Variants in TAF13 observed in about 807,000 individuals in gnomAD.
The protein encoded by TAF13 is TATA-box binding protein associated factor 13, also known as transcription initiation factor TFIID subunit 13.
Under a neutral mutation model 18.7 loss-of-function variants are expected in TAF13, and 9 were observed. That is an observed-to-expected ratio of 0.48 (90% CI 0.29 to 0.84). The LOEUF is 0.84. Among genes scored for constraint, TAF13 ranks in the 40% least tolerant of loss-of-function variants. TAF13 has a pLI of 0.08. For missense variants in TAF13, 105 were observed against 146.5 expected, an observed-to-expected ratio of 0.72 and a Z score of 1.46; for synonymous variants, 49 against 44.1, an observed-to-expected ratio of 1.11 and a Z score of -0.44.
intron 2 of TAF13, among the ~76,000 whole-genome samples, chr1:109,070,243 G>A (rs1467858099): frequency 2.6e-5 from 4 of 151,644 alleles, no homozygotes; most frequent in Non-Finnish European, 5.9e-5. Context: ...TTTTTGAGAC[G>A]GAGTCTCTCT....
At chr1:109,071,313 C>T (rs1261749021) in intron 2 of TAF13, among the ~76,000 whole-genome samples, 1 of 151,458 alleles carries the variant, frequency 6.6e-6, no homozygotes, top group African/African-American at 2.4e-5. Flanking sequence ...TGGTGGCACA[C>T]ACCTGTAATC....
intron 2 of TAF13, among the ~76,000 whole-genome samples, chr1:109,069,295 G>A (rs1173807281): frequency 6.6e-6 from 1 of 152,092 alleles, no homozygotes; most frequent in Non-Finnish European, 1.5e-5. Context: ...ACCAAAATCT[G>A]CAGATGCTCA....
intron 1 of TAF13, among the ~76,000 whole-genome samples, chr1:109,075,336 C>T (rs1448741637): frequency 1.3e-5 from 2 of 152,088 alleles, no homozygotes; most frequent in Non-Finnish European, 2.9e-5. Context: ...TATTTTTAAA[C>T]AACTAAGGTG....
At chr1:109,075,881 G>C (rs1664169102) in intron 1 of TAF13, 40 bp downstream of exon 1, 3 of 1,613,956 alleles carry the variant, frequency 1.9e-6, no homozygotes, top group African/African-American at 2.7e-5. Context: ...GCCCGAAGGA[G>C]TGAAGAAAAG....
intron 2 of TAF13, among the ~76,000 whole-genome samples, chr1:109,074,538 AT>A (rs1172317976): frequency 4.9e-4 from 74 of 152,152 alleles, no homozygotes; most frequent in Non-Finnish European, 1.5e-4. Context: ...ACCCCGCCAA[AT>A]ACCCCTCTCT....
intron 2 of TAF13, among the ~76,000 whole-genome samples, chr1:109,072,582 C>T (rs1664095184): frequency 6.6e-6 from 1 of 151,532 alleles, no homozygotes; most frequent in African/African-American, 2.4e-5. Flanking sequence ...GTAGCTGGAA[C>T]TACAGGGGCA....
chr1:109,070,765 A>G (rs1248841873), intron 2 of TAF13, among the ~76,000 whole-genome samples: 1 of 152,184 alleles, frequency 6.6e-6, no homozygotes, highest in African/African-American at 2.4e-5. Flanking sequence ...ATATTCAGGT[A>G]AGATAAGGAG....
chr1:109,074,154 A>T (rs1253319281), intron 2 of TAF13, among the ~76,000 whole-genome samples: 1 of 152,234 alleles, frequency 6.6e-6, no homozygotes, highest in African/African-American at 2.4e-5. Context: ...ATGTGGGGAA[A>T]AGAAAGAGAG....
In TAF13 at chr1:109,064,627, G is replaced by A; in HGVS notation, c.271C>T (p.Arg91Ter). ...CTGGCAAACTTCCTTGGGTCCTTTC[G>A]AATCAAGAAGACGATATCTTCAACT... ...VQVEDIVFLI[R>*]KDPRKFARVK... Residue 91 changes from arginine to a stop codon, truncating the protein, a stop_gained, in exon 4 of 4, where the codon CGA becomes TGA. Coordinates refer to ENST00000338366, the MANE Select transcript of TAF13 (RefSeq NM_005645.4). LOFTEE classifies it high-confidence loss of function. The A allele has an allele frequency of 1.9e-6, 3 of 1,576,220 alleles. No homozygotes were observed. The highest frequency in any genetic ancestry group is 2.6e-6 in the Non-Finnish European group (3 of 1,161,426).
chr1:109,072,061 T>TACAC (rs1664080533), intron 2 of TAF13, among the ~76,000 whole-genome samples: 1 of 4,666 alleles, frequency 2.1e-4, no homozygotes, highest in African/African-American at 7.1e-4. Flanking sequence ...CATATATATA[T>TACAC]ATATATATAT....
chr1:109,067,503 G>C (rs553581710), intron 2 of TAF13, among the ~76,000 whole-genome samples: 3 of 151,784 alleles, frequency 2.0e-5, no homozygotes, highest in African/African-American at 7.3e-5. Context: ...CCAGCTACTC[G>C]GGAGGCTGAG....
chr1:109,075,016 C>T lies in TAF13; in HGVS notation c.77G>A (p.Gly26Asp), dbSNP rs1557987454. ...EIGGGAEGGQ[G>D]KRKRLFSKEL... Reference sequence around the variant, plus strand: ...TTTAGAAAAAAGTCTCTTTCTTTTACCCTGTCCACCTTCTGCACCTCCTCC... The same window carrying T: ...TTTAGAAAAAAGTCTCTTTCTTTTATCCTGTCCACCTTCTGCACCTCCTCC... Residue 26 changes from glycine (G) to aspartate (D), a missense_variant, in exon 2 of 4, where the codon GGT becomes GAT. By Grantham distance (94) the Gly-to-Asp change is moderately conservative. Transcript: ENST00000338366. The T allele has an allele frequency of 3.7e-6, 6 of 1,608,392 alleles. No homozygotes were observed. Among genetic ancestry groups the T allele is most frequent in the Admixed American group, 1.7e-5 (1 of 58,460 alleles).
At chr1:109,071,027 C>T (rs560711653) in intron 2 of TAF13, among the ~76,000 whole-genome samples, 1 of 152,122 alleles carries the variant, frequency 6.6e-6, no homozygotes, top group Non-Finnish European at 1.5e-5. Context: ...CAGTGTCTGG[C>T]GGCTCATGCC....
intron 2 of TAF13, among the ~76,000 whole-genome samples, chr1:109,066,913 G>A (rs1008019164): frequency 6.6e-6 from 1 of 151,926 alleles, no homozygotes; most frequent in African/African-American, 2.4e-5. Flanking sequence ...TAGAGAAGGG[G>A]TTTCACTGTG....
Position 109,075,071 on chromosome 1 carries a change from A to G in TAF13, c.28-6T>C, listed in dbSNP as rs774935490. 6.3e-7 allele frequency: 1 copy of G among 1,599,768 alleles called. No homozygotes were observed. The highest frequency in any genetic ancestry group is 1.1e-5 in the South Asian group (1 of 88,224). On this transcript the variant is annotated splice_polypyrimidine_tract_variant and splice_region_variant and intron_variant, in intron 1 of 3. Coordinates refer to ENST00000338366, the MANE Select transcript of TAF13 (RefSeq NM_005645.4). ...TCTTCATTTTCTTCCTCAAACTAGA[A>G]GTTAAAATGTATATATAGAAATGTC...
chr1:109,072,051 CATAT>C (rs1216801737), intron 2 of TAF13, among the ~76,000 whole-genome samples: 2 of 4,736 alleles, frequency 4.2e-4, no homozygotes, highest in African/African-American at 1.4e-3. Context: ...TATACACACA[CATAT>C]ATATATATAT....
intron 2 of TAF13, among the ~76,000 whole-genome samples, chr1:109,067,954 T>C (rs1036822220): frequency 6.6e-5 from 10 of 152,288 alleles, no homozygotes; most frequent in Admixed American, 1.3e-4. Context: ...CACTTGTTGG[T>C]AGTTGTAGTT....
intron 2 of TAF13, among the ~76,000 whole-genome samples, chr1:109,066,504 T>C (rs150067871): frequency 1.3e-5 from 2 of 152,230 alleles, no homozygotes; most frequent in Non-Finnish European, 2.9e-5. Context: ...ATCTCTAGCA[T>C]CTACTTACCA....
intron 2 of TAF13, among the ~76,000 whole-genome samples, chr1:109,073,484 G>A (rs1199838646): frequency 2.0e-5 from 3 of 152,140 alleles, no homozygotes; most frequent in Admixed American, 6.6e-5. Context: ...ATCTGGGATC[G>A]TTGCAGCCTC....
Sources: allele counts gnomAD v4.1 joint callset (sites outside exome capture counted in the v4.1 genomes callset), GRCh38; gene constraint gnomAD v4.1.1; transcripts MANE v1.5; gene names NCBI Gene and HGNC (gene_info 2026-07-23, HGNC 2026-07-21).